DPYD: variants seen among roughly 807,000 people sequenced by gnomAD.
DPYD encodes the protein dihydropyrimidine dehydrogenase [NADP(+)].
A neutral mutation model predicts 116.2 loss-of-function variants in DPYD; 109 were observed. The observed-to-expected ratio is 0.94, with a 90% CI of 0.80 to 1.10. The LOEUF is 1.10. Ranked by LOEUF, DPYD falls within the 50% of genes least tolerant of loss-of-function variation. The pLI is 0.00. For missense variants in DPYD, 1,302 were observed against 1,254.5 expected, an observed-to-expected ratio of 1.04 and a Z score of -0.57; for synonymous variants, 440 against 432.0, an observed-to-expected ratio of 1.02 and a Z score of -0.23.
chr1:97,652,971 A>G (rs2100846227), intron 8 of DPYD, among the ~76,000 whole-genome samples: 1 of 152,210 alleles, frequency 6.6e-6, no homozygotes, highest in South Asian at 2.1e-4. Flanking sequence ...TCTCCGTGTT[A>G]TGGTGGACAC....
chr1:97,099,215 A>T (rs1236202116), intron 20 of DPYD, among the ~76,000 whole-genome samples: 2 of 152,162 alleles, frequency 1.3e-5, no homozygotes, highest in Non-Finnish European at 2.9e-5. Flanking sequence ...AAATGGTAAA[A>T]ATATTGATTT....
intron 20 of DPYD, among the ~76,000 whole-genome samples, chr1:97,191,655 C>T (rs1316876657): frequency 1.3e-5 from 2 of 152,088 alleles, no homozygotes; most frequent in Admixed American, 1.3e-4. Flanking sequence ...AAAGACAAAA[C>T]ATGACAGTGC....
intron 3 of DPYD, among the ~76,000 whole-genome samples, chr1:97,765,948 T>C (rs547579158): frequency 4.0e-4 from 61 of 152,184 alleles, no homozygotes; most frequent in Non-Finnish European, 7.9e-4. Flanking sequence ...CAGCAGCAAA[T>C]GTAAAACTGT....
intron 3 of DPYD, chr1:97,797,867 T>A (rs1571374792): frequency 6.6e-6 from 1 of 152,082 alleles, no homozygotes; most frequent in East Asian, 1.9e-4. Flanking sequence ...TATGACTGCA[T>A]CCTAAGATTT....
intron 15 of DPYD, among the ~76,000 whole-genome samples, chr1:97,376,887 G>GTGTGTGTGTGTGTATATATATATATA: frequency 4.7e-5 from 6 of 128,410 alleles, no homozygotes; most frequent in African/African-American, 1.4e-4. Flanking sequence ...GTGTGTGTGT[G>GTGTGTGTGTGTGTATATATATATATA]TATATATATA....
intron 19 of DPYD, among the ~76,000 whole-genome samples, chr1:97,207,203 A>T (rs1444328894): frequency 3.3e-5 from 5 of 152,162 alleles, no homozygotes; most frequent in Non-Finnish European, 7.4e-5. Context: ...TTCCCTGTCC[A>T]GAATACATTT....
At chr1:97,196,566 A>G (rs1473806841) in intron 19 of DPYD, among the ~76,000 whole-genome samples, 1 of 152,254 alleles carries the variant, frequency 6.6e-6, no homozygotes, top group Non-Finnish European at 1.5e-5. Context: ...ACAATGCAAT[A>G]TCTAACATGA....
Position 97,373,497 on chromosome 1 carries a change from C to G in DPYD, c.2058+64G>C. 5.7e-6 allele frequency: 8 copies of G among 1,395,746 alleles called. 1 individual carries two copies. The South Asian group carries it at 8.2e-5, about 14-fold the overall frequency. 86.5% of individuals were successfully genotyped at this position (1,395,746 alleles called of 1,614,324 possible). ...CATCTCCTTGCCTAAGGTATAGTAACTATCCATACGGGGGCCTGTTATGTC... is the reference window on the plus strand; with the variant it reads ...CATCTCCTTGCCTAAGGTATAGTAAGTATCCATACGGGGGCCTGTTATGTC... On this transcript the variant is annotated intron_variant, in intron 16 of 22. Coordinates refer to ENST00000370192, the MANE Select transcript of DPYD (RefSeq NM_000110.4).
chr1:97,586,281 T>C (rs919559018), intron 10 of DPYD: 18 of 150,866 alleles, frequency 1.2e-4, no homozygotes, highest in African/African-American at 4.4e-4. Context: ...ATAGAAACGA[T>C]AGAGATGGTG....
chr1:97,105,067 A>G (rs1027636899), intron 20 of DPYD, among the ~76,000 whole-genome samples: 8 of 152,118 alleles, frequency 5.3e-5, no homozygotes, highest in African/African-American at 1.9e-4. Context: ...GAACATTATT[A>G]TTTTCATATT....
chr1:97,500,567 A>C (rs1222722328), intron 13 of DPYD, among the ~76,000 whole-genome samples: 2 of 151,984 alleles, frequency 1.3e-5, no homozygotes, highest in African/African-American at 4.8e-5. Context: ...CCAAATATAT[A>C]TGTTAAAAGG....
chr1:97,616,504 G>GGATACTTACCTATT (rs1032501272), intron 8 of DPYD, among the ~76,000 whole-genome samples: 1 of 152,036 alleles, frequency 6.6e-6, no homozygotes, highest in Admixed American at 6.6e-5. Context: ...CGGAGATGCT[G>GGATACTTACCTATT]GATACTTACC....
At chr1:97,311,817 A>G (rs1202396589) in intron 16 of DPYD, among the ~76,000 whole-genome samples, 1 of 151,874 alleles carries the variant, frequency 6.6e-6, no homozygotes, top group Non-Finnish European at 1.5e-5. Context: ...AAAAGAAACC[A>G]GTCTCAAAAG....
intron 3 of DPYD, among the ~76,000 whole-genome samples, chr1:97,786,753 T>C (rs920970657): frequency 3.3e-5 from 5 of 152,242 alleles, no homozygotes; most frequent in East Asian, 1.9e-4. Context: ...AGTTAACTTA[T>C]GTTATCTTGG....
chr1:97,123,247 C>A (rs569865402), intron 20 of DPYD, among the ~76,000 whole-genome samples: 2 of 152,042 alleles, frequency 1.3e-5, no homozygotes, highest in Non-Finnish European at 2.9e-5. Context: ...CTCTATATGT[C>A]GGTCAGTACT....
At chr1:97,556,659 T>C (rs1189036548) in intron 11 of DPYD, among the ~76,000 whole-genome samples, 1 of 150,970 alleles carries the variant, frequency 6.6e-6, no homozygotes, top group African/African-American at 2.4e-5. Flanking sequence ...TCCAATTTCA[T>C]CCATGTCCCT....
At chr1:97,579,959 T>C (rs1187114119) in intron 10 of DPYD, among the ~76,000 whole-genome samples, 1 of 152,224 alleles carries the variant, frequency 6.6e-6, no homozygotes, top group African/African-American at 2.4e-5. Flanking sequence ...AAAAATAGCA[T>C]GCTATAAACT....
chr1:97,352,898 A>C (rs1670224387), intron 16 of DPYD, among the ~76,000 whole-genome samples: 1 of 152,182 alleles, frequency 6.6e-6, no homozygotes, highest in African/African-American at 2.4e-5. Context: ...GCGGAAAGAG[A>C]AAGAAAAGTA....
intron 13 of DPYD, among the ~76,000 whole-genome samples, chr1:97,453,753 C>A (rs1172853281): frequency 6.6e-6 from 1 of 151,922 alleles, no homozygotes; most frequent in Admixed American, 6.6e-5. Flanking sequence ...AATGTTGGAG[C>A]TGGTTTATTT....
Sources: gnomAD v4.1 joint callset for allele counts (sites outside exome capture counted in the v4.1 genomes callset) on GRCh38, gnomAD v4.1.1 for gene constraint, MANE v1.5 for transcripts, NCBI Gene and HGNC (gene_info 2026-07-23, HGNC 2026-07-21) for gene names.